The following FARS2 variants were observed in gnomAD, a reference collection of about 807,000 sequenced individuals.
FARS2 encodes phenylalanine--tRNA ligase, mitochondrial.
In FARS2, 40 loss-of-function variants were observed where a neutral mutation model predicts 46.4. The observed-to-expected ratio is 0.86, with a 90% CI of 0.67 to 1.12. FARS2 has a LOEUF of 1.12. FARS2 is among the 50% of genes most tolerant of loss of function. The pLI, the probability that FARS2 is intolerant of heterozygous loss-of-function variation, is 0.00. For synonymous variants in FARS2, 234 were observed against 214.9 expected, an observed-to-expected ratio of 1.09 and a Z score of -0.78; for missense variants, 513 against 567.9, an observed-to-expected ratio of 0.90 and a Z score of 0.98.
chr6:5,451,994 ATCC>A (rs1198835249), intron 4 of FARS2: 1 of 152,228 alleles, frequency 6.6e-6, no homozygotes, highest in Non-Finnish European at 1.5e-5. Context: ...AACTAAACTT[ATCC>A]TTTTCTTCCA....
Position 5,396,343 on chromosome 6 carries a change from T to A in FARS2, c.613-8199T>A, listed in dbSNP as rs185736327. 1.2e-3 allele frequency among the ~76,000 whole-genome samples: 177 copies of A among 152,352 alleles called. 2 individuals carry two copies. In the South Asian group the frequency reaches 0.014, roughly 12 times the overall value. ...CACCGTTATATATTGTCATTGGTCC[T>A]CAGCCTTCATCCCTTCAGAGATTTG... On this transcript the variant is annotated intron_variant, in intron 2 of 6. Coordinates refer to ENST00000274680, the MANE Select transcript of FARS2 (RefSeq NM_006567.5).
chr6:5,466,191 A>G (rs554431295), intron 4 of FARS2, among the ~76,000 whole-genome samples: 15 of 152,196 alleles, frequency 9.9e-5, no homozygotes, highest in African/African-American at 3.6e-4. Context: ...TGCCTTCCCC[A>G]TTCCCTTAAT....
At chr6:5,755,931 G>A (rs1023554202) in intron 6 of FARS2, among the ~76,000 whole-genome samples, 1 of 152,180 alleles carries the variant, frequency 6.6e-6, no homozygotes, top group African/African-American at 2.4e-5. Flanking sequence ...TTCAGGGTAG[G>A]CTTCTTCTCC....
Position 5,574,267 on chromosome 6 carries a change from G to C in FARS2, c.1065+28927G>C, listed in dbSNP as rs571535049. On this transcript the variant is annotated intron_variant, in intron 5 of 6. Coordinates refer to ENST00000274680, the MANE Select transcript of FARS2 (RefSeq NM_006567.5). ...AGCCTCCCAAGTAGCTGGGACTACAGATGTGTGCCACCACACCCAGCTAAT... is the reference window on the plus strand; with the variant it reads ...AGCCTCCCAAGTAGCTGGGACTACACATGTGTGCCACCACACCCAGCTAAT... Among the ~76,000 whole-genome samples, 8 of 152,254 alleles carry C rather than the reference G, an allele frequency of 5.3e-5. No homozygotes were observed. The South Asian group carries it at 1.7e-3, about 32-fold the overall frequency.
chr6:5,650,039 C>T (rs937503617), intron 6 of FARS2, among the ~76,000 whole-genome samples: 1 of 152,206 alleles, frequency 6.6e-6, no homozygotes, highest in Non-Finnish European at 1.5e-5. Flanking sequence ...AAGGGCCCCA[C>T]TGCCGGACCC....
chr6:5,581,648 G>A (rs1773334645), intron 5 of FARS2, among the ~76,000 whole-genome samples: 1 of 152,208 alleles, frequency 6.6e-6, no homozygotes, highest in African/African-American at 2.4e-5. Context: ...GGCATCGTGA[G>A]GTGTCCTGCC....
intron 6 of FARS2, among the ~76,000 whole-genome samples, chr6:5,655,740 T>C (rs762977608): frequency 6.6e-6 from 1 of 152,236 alleles, no homozygotes; most frequent in Non-Finnish European, 1.5e-5. Flanking sequence ...CTTTTTGCCA[T>C]GTAAGGCAAT....
chr6:5,696,665 A>C (rs956774293), intron 6 of FARS2, among the ~76,000 whole-genome samples: 2 of 152,226 alleles, frequency 1.3e-5, no homozygotes, highest in African/African-American at 4.8e-5. Flanking sequence ...ATCTATAAAG[A>C]TAGAAAGGAA....
At chr6:5,280,366 T>G (rs1376703546) in intron 1 of FARS2, among the ~76,000 whole-genome samples, 1 of 152,214 alleles carries the variant, frequency 6.6e-6, no homozygotes, top group Non-Finnish European at 1.5e-5. Flanking sequence ...ACATGCCCAC[T>G]CAGAAGTTGG....
In FARS2 at chr6:5,343,270, G is replaced by T. The variant is rs762299120; in HGVS notation, c.-21-25280G>T. Among the ~76,000 whole-genome samples the T allele has an allele frequency of 1.3e-5, 2 of 152,126 alleles. No homozygotes were observed. Among genetic ancestry groups the T allele is most frequent in the Non-Finnish European group, 2.9e-5 (2 of 68,018 alleles). ...CTCGTTGCCCAGGCTGGAGTGCAGTGGCGCGATCTTGGCTCACTGCAACCT... is the reference window on the plus strand; with the variant it reads ...CTCGTTGCCCAGGCTGGAGTGCAGTTGCGCGATCTTGGCTCACTGCAACCT... On this transcript the variant is annotated intron_variant, in intron 1 of 6. Transcript: ENST00000274680. The surrounding 1 kb of genome is among the most constrained non-coding windows in gnomAD (Gnocchi z 4.5).
intron 4 of FARS2, among the ~76,000 whole-genome samples, chr6:5,529,785 G>T (rs1269852581): frequency 6.6e-6 from 1 of 152,136 alleles, no homozygotes; most frequent in Non-Finnish European, 1.5e-5. Context: ...CCCATCAGGG[G>T]AGTAGCAAAC....
chr6:5,357,626 T>A (rs1315412830), intron 1 of FARS2, among the ~76,000 whole-genome samples: 1 of 152,230 alleles, frequency 6.6e-6, no homozygotes, highest in African/African-American at 2.4e-5. Flanking sequence ...AGATGTGTTT[T>A]GACTTAAAAA....
At chr6:5,562,835 C>T (rs547312627) in intron 5 of FARS2, among the ~76,000 whole-genome samples, 6 of 141,192 alleles carry the variant, frequency 4.2e-5, no homozygotes, top group South Asian at 2.2e-4. Context: ...GATGGAGTTT[C>T]GCTCATCGCC....
intron 5 of FARS2, among the ~76,000 whole-genome samples, chr6:5,591,588 C>T (rs1474513628): frequency 6.6e-6 from 1 of 152,244 alleles, no homozygotes; most frequent in Non-Finnish European, 1.5e-5. Context: ...AAAACTCATT[C>T]ATCTATACCA....
chr6:5,561,745 C>G (rs1771996430), intron 5 of FARS2, among the ~76,000 whole-genome samples: 1 of 152,038 alleles, frequency 6.6e-6, no homozygotes, highest in South Asian at 2.1e-4. Context: ...TGAATAGTGG[C>G]TCTCCTAGAT....
chr6:5,287,755 CT>C (rs1395805342), intron 1 of FARS2, among the ~76,000 whole-genome samples: 1 of 152,220 alleles, frequency 6.6e-6, no homozygotes, highest in African/African-American at 2.4e-5. Context: ...CAGAAAAACA[CT>C]GTTAGTACAC....
At chr6:5,355,883 G>A (rs1168708769) in intron 1 of FARS2, among the ~76,000 whole-genome samples, 2 of 152,006 alleles carry the variant, frequency 1.3e-5, no homozygotes, top group African/African-American at 4.8e-5. Flanking sequence ...TATTATTCAC[G>A]GATTCTGTAC....
chr6:5,289,794 A>C (rs530257299), intron 1 of FARS2, among the ~76,000 whole-genome samples: 1 of 152,360 alleles, frequency 6.6e-6, no homozygotes, highest in South Asian at 2.1e-4. Context: ...CACATGGAGA[A>C]GAGCAGGGAG....
chr6:5,663,574 A>G (rs761232504), intron 6 of FARS2, among the ~76,000 whole-genome samples: 4 of 152,216 alleles, frequency 2.6e-5, no homozygotes, highest in African/African-American at 4.8e-5. Flanking sequence ...TCCACTAAAG[A>G]AAAAGTGGAG....
Sources: gnomAD v4.1 joint callset for allele counts (sites outside exome capture counted in the v4.1 genomes callset) on GRCh38, gnomAD v4.1.1 for gene constraint, Gnocchi (gnomAD v3.1) non-coding constraint, MANE v1.5 for transcripts, NCBI Gene and HGNC (gene_info 2026-07-23, HGNC 2026-07-21) for gene names.